BTBD7: variants seen among roughly 807,000 people sequenced by gnomAD.
The protein encoded by BTBD7 is BTB domain containing 7, also known as BTB/POZ domain-containing protein 7.
A neutral mutation model predicts 99.9 loss-of-function variants in BTBD7; 38 were observed. The observed-to-expected ratio is 0.38, with a 90% CI of 0.29 to 0.50. The LOEUF is 0.50. Among genes scored for constraint, BTBD7 ranks in the 20% least tolerant of loss-of-function variants. The pLI is 0.93. For synonymous variants in BTBD7, 520 were observed against 511.4 expected, an observed-to-expected ratio of 1.02 and a Z score of -0.23; for missense variants, 1,170 against 1,394.6, an observed-to-expected ratio of 0.84 and a Z score of 2.57.
At chr14:93,280,959 A>C (rs1343391110) in intron 3 of BTBD7, among the ~76,000 whole-genome samples, 8 of 150,992 alleles carry the variant, frequency 5.3e-5, no homozygotes, top group Non-Finnish European at 8.8e-5. Flanking sequence ...CAGCCTTCTG[A>C]GTGGCTGGGA....
chr14:93,305,493 A>T (rs954347727), intron 1 of BTBD7, among the ~76,000 whole-genome samples: 1 of 152,170 alleles, frequency 6.6e-6, no homozygotes, highest in African/African-American at 2.4e-5. Flanking sequence ...AAGAAGTAGA[A>T]AACCAGACAA....
intron 3 of BTBD7, among the ~76,000 whole-genome samples, chr14:93,275,351 G>T (rs1318882730): frequency 6.8e-6 from 1 of 146,606 alleles, no homozygotes; most frequent in Non-Finnish European, 1.5e-5. Context: ...CCACTTCTCT[G>T]AACAGTGGGA....
At chr14:93,262,782 G>GTTTT (rs11288675) in intron 4 of BTBD7, among the ~76,000 whole-genome samples, 1 of 139,612 alleles carries the variant, frequency 7.2e-6, no homozygotes, top group Admixed American at 7.3e-5. Context: ...GCTGCTCTCT[G>GTTTT]TTTTTTTTTT....
At chr14:93,281,096 G>A (rs1384410480) in intron 3 of BTBD7, among the ~76,000 whole-genome samples, 1 of 151,876 alleles carries the variant, frequency 6.6e-6, no homozygotes, top group South Asian at 2.1e-4. Flanking sequence ...TGCGCTTCTT[G>A]GGCTCTTGAT....
chr14:93,278,193 A>C (rs1317033977), intron 3 of BTBD7, among the ~76,000 whole-genome samples: 1 of 151,694 alleles, frequency 6.6e-6, no homozygotes, highest in African/African-American at 2.4e-5. Context: ...TGGGTGGATC[A>C]CTTGAGGTCA....
At position 93,311,961 on chromosome 14, in the gene BTBD7, TA is replaced by T. The variant is rs968382984; in HGVS notation, c.-106-15805del. On this transcript the variant is annotated intron_variant, in intron 1 of 10. Transcript: ENST00000334746. Reference sequence around the variant, plus strand: ...CATTTAAGTGAGTATAAAGTTAAAATAAAAAAAAAAGATACATCCAAAGAAT... The same window carrying T: ...CATTTAAGTGAGTATAAAGTTAAAATAAAAAAAAAGATACATCCAAAGAAT... 2.7e-3 allele frequency among the ~76,000 whole-genome samples: 394 copies of T among 148,092 alleles called. 2 individuals are homozygous for T. The highest frequency in any genetic ancestry group is 9.0e-3 in the African/African-American group (366 of 40,630).
At chr14:93,247,388 C>A (rs2052324872) in intron 9 of BTBD7, among the ~76,000 whole-genome samples, 1 of 151,968 alleles carries the variant, frequency 6.6e-6, no homozygotes, top group Admixed American at 6.6e-5. Context: ...TGCTCTGTCA[C>A]CCAGGCTGGA....
intron 1 of BTBD7, among the ~76,000 whole-genome samples, chr14:93,311,704 T>C (rs1373447437): frequency 6.6e-6 from 1 of 151,902 alleles, no homozygotes; most frequent in African/African-American, 2.4e-5. Flanking sequence ...ATAAAAATAT[T>C]AACACTATCA....
intron 1 of BTBD7, among the ~76,000 whole-genome samples, chr14:93,305,149 G>A (rs2139791944): frequency 6.6e-6 from 1 of 152,308 alleles, no homozygotes; most frequent in Non-Finnish European, 1.5e-5. Flanking sequence ...TACGGAGACT[G>A]AGTCTAAATA....
At chr14:93,289,617 T>C (rs1325674775) in intron 3 of BTBD7, among the ~76,000 whole-genome samples, 2 of 152,244 alleles carry the variant, frequency 1.3e-5, no homozygotes, top group Admixed American at 1.3e-4. Flanking sequence ...TCTTTGTCCT[T>C]GAGAGCTTAT....
chr14:93,291,202 TGTG>T (rs1566851924), intron 3 of BTBD7, among the ~76,000 whole-genome samples: 1 of 152,138 alleles, frequency 6.6e-6, no homozygotes, highest in Non-Finnish European at 1.5e-5. Flanking sequence ...AGACATATGT[TGTG>T]GTGATTATTA....
Position 93,246,197 on chromosome 14 carries a change from A to G in BTBD7, c.2211T>C (p.Ser737=), listed in dbSNP as rs369701992. The change falls in exon 10 of 11, where the codon AGT becomes AGC. Residue 737 remains serine, a synonymous_variant. Coordinates refer to ENST00000334746, the MANE Select transcript of BTBD7 (RefSeq NM_001002860.4). ...TAAACATGGTTTCTGCAGGAGGTGT[A>G]CTGTTTACGCGACATCTCCCAGGCT... ...MRQPGRCRVN[S]TPPAETMFTD... is the part of the protein sequence containing the mutation. 4 of 1,612,112 alleles carry G rather than the reference A, an allele frequency of 2.5e-6. No homozygotes were observed. The South Asian group carries it at 4.4e-5, about 18-fold the overall frequency.
At chr14:93,312,520 G>A (rs11845544) in intron 1 of BTBD7, among the ~76,000 whole-genome samples, 11,958 of 152,176 alleles carry the variant, frequency 0.079, 1,005 homozygotes, top group African/African-American at 0.21. Flanking sequence ...GAATGACTTT[G>A]TATGGCAGAT....
rs2052439670 is a variant in BTBD7 at position 93,257,210 on chromosome 14, T to TTACTGCACTTAAAACACTTACTGCA, written c.1592_1593insTGCAGTAAGTGTTTTAAGTGCAGTA (p.Glu531AspfsTer13). ...AAACACTTACTGCATCACTTAAGAC[T>TTACTGCACTTAAAACACTTACTGCA]TCACTGTTTATAGGTAAGATGTGTT... is the stretch of plus-strand genomic sequence containing the variant. On this transcript the variant is annotated frameshift_variant, in exon 6 of 11. Transcript: ENST00000334746. LOFTEE classifies it high-confidence loss of function. The TTACTGCACTTAAAACACTTACTGCA allele has an allele frequency of 6.2e-7, 1 of 1,613,972 alleles. No individual in the cohort carries two copies. Among genetic ancestry groups the TTACTGCACTTAAAACACTTACTGCA allele is most frequent in the East Asian group, 2.2e-5 (1 of 44,870 alleles).
At chr14:93,304,954 A>G (rs2053053495) in intron 1 of BTBD7, among the ~76,000 whole-genome samples, 1 of 152,244 alleles carries the variant, frequency 6.6e-6, no homozygotes, top group African/African-American at 2.4e-5. Context: ...AACAAAACAG[A>G]AACTCAAAGG....
chr14:93,295,860 A>G, intron 2 of BTBD7, 110 bp downstream of exon 2: 1 of 992,848 alleles, frequency 1.0e-6, no homozygotes, highest in South Asian at 1.7e-5. Context: ...GATGCTGCAG[A>G]ATTATTATAA....
chr14:93,321,375 T>C (rs923205329), intron 1 of BTBD7, among the ~76,000 whole-genome samples: 5 of 152,226 alleles, frequency 3.3e-5, no homozygotes, highest in African/African-American at 1.2e-4. Context: ...GGTGGATCGC[T>C]TGAGGTCAGG....
intron 1 of BTBD7, among the ~76,000 whole-genome samples, chr14:93,312,157 A>G (rs2053145830): frequency 6.6e-6 from 1 of 152,024 alleles, no homozygotes; most frequent in East Asian, 1.9e-4. Flanking sequence ...TCCTGTCTCT[A>G]CCCCAGTATT....
At chr14:93,292,625 TG>T (rs1473148747) in intron 3 of BTBD7, among the ~76,000 whole-genome samples, 1 of 152,202 alleles carries the variant, frequency 6.6e-6, no homozygotes, top group East Asian at 1.9e-4. Flanking sequence ...CCTTCTTCTG[TG>T]TAAGTTCCCA....
Sources: allele counts gnomAD v4.1 joint callset (sites outside exome capture counted in the v4.1 genomes callset), GRCh38; gene constraint gnomAD v4.1.1; transcripts MANE v1.5; gene names NCBI Gene and HGNC (gene_info 2026-07-23, HGNC 2026-07-21).